Variants in SHD observed in about 807,000 individuals in gnomAD.
The protein encoded by SHD is Src homology 2 domain containing transforming protein D, also known as SH2 domain-containing adapter protein D.
SHD carries 29 observed loss-of-function variants against 31.2 expected under a neutral mutation model. The ratio of observed to expected loss-of-function variants is 0.93; its 90% CI spans 0.69 to 1.27. The LOEUF (loss-of-function observed/expected upper bound fraction) is 1.27. Among genes scored for constraint, SHD ranks in the 50% most tolerant of loss-of-function variants. The pLI is 0.00. For missense variants in SHD, 520 were observed against 453.8 expected (o/e 1.15, Z -1.33); for synonymous variants, 208 against 187.8 (o/e 1.11, Z -0.88).
In SHD at chr19:4,290,704, A is replaced by C. The variant is rs528643805; in HGVS notation, c.*71A>C. 1.5e-5 allele frequency: 22 copies of C among 1,442,364 alleles called. No individual in the cohort carries two copies. The African/African-American group carries it at 1.6e-4, about 10-fold the overall frequency. 89.3% of individuals were successfully genotyped at this position (1,442,364 alleles called of 1,614,324 possible). On this transcript the variant is annotated 3_prime_UTR_variant, in exon 6 of 6. Transcript: ENST00000543264. ...TCCCAAAGCCCTCCCATGGCCTAGA[A>C]AATAAATAAGTTATTGTTTGTCTTA...
chr19:4,284,522 A>G (rs1324791583), intron 3 of SHD: 6 of 303,706 alleles, frequency 2.0e-5, no homozygotes, highest in African/African-American at 1.3e-4. Context: ...CCTCTTTGGA[A>G]ACTTCGAACC....
chr19:4,281,974 C>T (rs1342452699), intron 1 of SHD, among the ~76,000 whole-genome samples: 1 of 152,142 alleles, frequency 6.6e-6, no homozygotes, highest in African/African-American at 2.4e-5. Context: ...AAATCCTTGA[C>T]AATAGTGCAC....
intron 4 of SHD, among the ~76,000 whole-genome samples, chr19:4,286,261 C>CCTTCCT (rs1971313909): frequency 7.1e-5 from 7 of 99,136 alleles, no homozygotes; most frequent in Admixed American, 3.7e-4. Flanking sequence ...CTTTCTTTCT[C>CCTTCCT]TCTTTCTTTC....
Position 4,290,427 on chromosome 19 carries a change from C to G in SHD, c.837-20C>G. On this transcript the variant is annotated intron_variant, in intron 5 of 5. Coordinates refer to ENST00000543264, the MANE Select transcript of SHD (RefSeq NM_020209.4). ...GTGGGTCCGGGATGCTCAGGAGTCC[C>G]TTTCTCCCTCATCGCCCAGGAGCAG... 6.2e-7 allele frequency: 1 copy of G among 1,601,616 alleles called. No individual in the cohort carries two copies. The highest frequency in any genetic ancestry group is 8.5e-7 in the Non-Finnish European group (1 of 1,173,378).
intron 5 of SHD, among the ~76,000 whole-genome samples, chr19:4,289,329 T>G (rs191323313): frequency 0.12 from 18,048 of 150,338 alleles, 1,395 homozygotes; most frequent in South Asian, 0.22. Flanking sequence ...GCCAGGATGG[T>G]CTCGATCTCC....
At chr19:4,282,018 A>T (rs911039713) in intron 1 of SHD, among the ~76,000 whole-genome samples, 1 of 152,160 alleles carries the variant, frequency 6.6e-6, no homozygotes, top group Non-Finnish European at 1.5e-5. Context: ...GGAGGGAGGC[A>T]GGTGTCTGTG....
In SHD at chr19:4,290,667, C is replaced by T; in HGVS notation, c.*34C>T. ...CTCGGCCCCCTTTTGAGTCCTCGGG[C>T]CCAGAATCGTATCCCAAAGCCCTCC... On this transcript the variant is annotated 3_prime_UTR_variant, in exon 6 of 6. Coordinates refer to ENST00000543264, the MANE Select transcript of SHD (RefSeq NM_020209.4). The T allele has an allele frequency of 6.5e-7, 1 of 1,545,670 alleles. No individual in the cohort carries two copies. Among genetic ancestry groups the T allele is most frequent in the Non-Finnish European group, 8.7e-7 (1 of 1,144,000 alleles).
chr19:4,283,039 T>G lies in SHD; in HGVS notation c.404-15T>G. ...AGATGGGAGCAGGAGCTGAACAGTG[T>G]CCCTGGCCTCCTAGAACTTCCCGGC... On this transcript the variant is annotated splice_polypyrimidine_tract_variant and intron_variant, in intron 2 of 5. Transcript: ENST00000543264. 6.2e-7 allele frequency: 1 copy of G among 1,613,636 alleles called. No homozygotes were observed. Among genetic ancestry groups the G allele is most frequent in the Non-Finnish European group, 8.5e-7 (1 of 1,179,676 alleles).
rs115000912 is a variant in SHD at position 4,282,879 on chromosome 19, G to A, written c.307G>A (p.Asp103Asn). The A allele has an allele frequency of 6.5e-4, 1,057 of 1,613,884 alleles. 5 individuals are homozygous for A. In the African/African-American group the frequency reaches 0.011, roughly 17 times the overall value. Residue 103 changes from aspartate to asparagine, a missense_variant, in exon 2 of 6, where the codon GAC becomes AAC. By Grantham distance (23) the Asp-to-Asn change is conservative (BLOSUM62 1). Coordinates refer to ENST00000543264, the MANE Select transcript of SHD (RefSeq NM_020209.4). ...TTCCTTCTCTCCGCAGCTGGAAGCC[G>A]ACACTGAGTATTTAGACCCCTTTGA... ...LGGPGEELEA[D>N]TEYLDPFDAQ...
At position 4,280,346 on chromosome 19, in the gene SHD, GGC is replaced by G; in HGVS notation, c.284_285del (p.Gly95AlafsTer10). On this transcript the variant is annotated frameshift_variant, in exon 1 of 6. Transcript: ENST00000543264. LOFTEE classifies it high-confidence loss of function. The part of the protein sequence containing the change: ...DMARAKALLG[G>X]PGEELEADTE... The stretch of plus-strand genomic sequence containing the variant: ...GGCCAGAGCCAAGGCCCTTCTGGGC[GGC>G]CCCGGGGAGGAGGTGCGTGGCTGGG... 1 of 1,573,110 alleles carries G rather than the reference GGC, an allele frequency of 6.4e-7. No individual in the cohort carries two copies. The highest frequency in any genetic ancestry group is 8.6e-7 in the Non-Finnish European group (1 of 1,159,044).
chr19:4,281,789 G>T (rs1971259435), intron 1 of SHD, among the ~76,000 whole-genome samples: 1 of 151,982 alleles, frequency 6.6e-6, no homozygotes, highest in Admixed American at 6.6e-5. Flanking sequence ...GTAAGACGTT[G>T]GTAAGAAGAG....
At chr19:4,286,630 T>G (rs1353693260) in intron 4 of SHD, among the ~76,000 whole-genome samples, 2 of 152,156 alleles carry the variant, frequency 1.3e-5, no homozygotes, top group African/African-American at 4.8e-5. Context: ...CCAGGCACGG[T>G]GGCTCACGCC....
At position 4,290,535 on chromosome 19, in the gene SHD, G is replaced by A. The variant is rs750616574; in HGVS notation, c.925G>A (p.Val309Met). Reference sequence around the variant, plus strand: ...CCAACACAGCGGGCCCTTCCCCAGCGTGCCCGAGCTCGTCCTCCACTACAG... The same window carrying A: ...CCAACACAGCGGGCCCTTCCCCAGCATGCCCGAGCTCGTCCTCCACTACAG... ...LGQHSGPFPS[V>M]PELVLHYSSR... The change falls in exon 6 of 6, where the codon GTG (valine) becomes ATG (methionine). Residue 309 changes from valine (V) to methionine (M), a missense_variant. Physicochemically the swap from Val to Met is conservative, Grantham distance 21 (BLOSUM62 1). Coordinates refer to ENST00000543264, the MANE Select transcript of SHD (RefSeq NM_020209.4). The A allele has an allele frequency of 1.8e-5, 29 of 1,613,484 alleles. No individual in the cohort carries two copies. Among genetic ancestry groups the A allele is most frequent in the Middle Eastern group, 1.6e-4 (1 of 6,084 alleles).
rs1307152017 is a variant in SHD at position 4,286,249 on chromosome 19, TTCTTTCTTTC to T, written c.716+1349_716+1358del. On this transcript the variant is annotated intron_variant, in intron 4 of 5. Transcript: ENST00000543264. The stretch of plus-strand genomic sequence containing the variant: ...TTCTTTCTTTTCTTTCTTTCTTTCT[TTCTTTCTTTC>T]TCTCTTTCTTTCTTTCTTTCTTTTT... Among the ~76,000 whole-genome samples, 13 of 115,882 alleles carry T rather than the reference TTCTTTCTTTC, an allele frequency of 1.1e-4. No homozygotes were observed. In the East Asian group the frequency reaches 3.1e-3, roughly 28 times the overall value. The allele number at this position is 115,882 out of a possible 152,430, so 76.0% of individuals were successfully genotyped here.
At chr19:4,284,283 G>A (rs1337182538) in intron 3 of SHD, 1 of 152,050 alleles carries the variant, frequency 6.6e-6, no homozygotes, top group African/African-American at 2.4e-5. Context: ...CCTGAGCAGC[G>A]AGAGCAAAAC....
chr19:4,289,397 C>T (rs973050454), intron 5 of SHD, among the ~76,000 whole-genome samples: 7 of 151,076 alleles, frequency 4.6e-5, no homozygotes, highest in Non-Finnish European at 8.8e-5. Context: ...AGGTGTGAGC[C>T]GCCATGCCCG....
Position 4,279,998 on chromosome 19 carries a change from G to A in SHD, c.-66G>A. Reference sequence around the variant, plus strand: ...CACCTCCTCCTCCTCCTTGGGGAAAGGGGCCCGGAGAAGGGCATGTGGGGG... The same window carrying A: ...CACCTCCTCCTCCTCCTTGGGGAAAAGGGCCCGGAGAAGGGCATGTGGGGG... On this transcript the variant is annotated 5_prime_UTR_variant, in exon 1 of 6. Coordinates refer to ENST00000543264, the MANE Select transcript of SHD (RefSeq NM_020209.4). This position sits in a 1 kb window ranked among gnomAD's most constrained non-coding sequence, Gnocchi z 7.5. 6.8e-7 allele frequency: 1 copy of A among 1,475,534 alleles called. No individual in the cohort carries two copies. Among genetic ancestry groups the A allele is most frequent in the Non-Finnish European group, 9.0e-7 (1 of 1,110,382 alleles). 91.4% of individuals were successfully genotyped at this position (1,475,534 alleles called of 1,614,324 possible).
intron 1 of SHD, among the ~76,000 whole-genome samples, chr19:4,282,463 C>T (rs900071766): frequency 6.6e-6 from 1 of 151,554 alleles, no homozygotes; most frequent in Non-Finnish European, 1.5e-5. Context: ...CGGTTGCTCA[C>T]GCCTGTAATC....
At chr19:4,282,451 C>T (rs1971265371) in intron 1 of SHD, among the ~76,000 whole-genome samples, 1 of 151,530 alleles carries the variant, frequency 6.6e-6, no homozygotes, top group South Asian at 2.1e-4. Context: ...CTCAGCTGGG[C>T]GCGGTTGCTC....
Sources: gnomAD v4.1 joint callset for allele counts (sites outside exome capture counted in the v4.1 genomes callset) on GRCh38, gnomAD v4.1.1 for gene constraint, Gnocchi (gnomAD v3.1) non-coding constraint, MANE v1.5 for transcripts, NCBI Gene and HGNC (gene_info 2026-07-23, HGNC 2026-07-21) for gene names.